PTPRQ: variants seen among roughly 807,000 people sequenced by gnomAD.
PTPRQ encodes the protein protein tyrosine phosphatase receptor type Q.
Under a neutral mutation model 246.0 loss-of-function variants are expected in PTPRQ, and 199 were observed. The observed-to-expected ratio is 0.81, with a 90% confidence interval of 0.72 to 0.91. The LOEUF (loss-of-function observed/expected upper bound fraction) is 0.91. Among genes scored for constraint, PTPRQ ranks in the 40% least tolerant of loss-of-function variants. PTPRQ has a pLI of 0.00. For missense variants in PTPRQ, 2,624 were observed against 2,528.4 expected, an observed-to-expected ratio of 1.04 and a Z score of -0.81; for synonymous variants, 869 against 853.2, an observed-to-expected ratio of 1.02 and a Z score of -0.32.
chr12:80,573,204 T>C (rs1012029539), intron 25 of PTPRQ, among the ~76,000 whole-genome samples: 2 of 152,128 alleles, frequency 1.3e-5, no homozygotes, highest in African/African-American at 4.8e-5. Context: ...AAATTTTACT[T>C]TAGGGCCGGG....
intron 16 of PTPRQ, among the ~76,000 whole-genome samples, chr12:80,507,355 T>A (rs1240806171): frequency 2.0e-5 from 3 of 152,020 alleles, no homozygotes; most frequent in Non-Finnish European, 2.9e-5. Flanking sequence ...AAGAAAATTA[T>A]TATTTTTTTC....
At chr12:80,451,094 G>T (rs1267384666) in intron 3 of PTPRQ, among the ~76,000 whole-genome samples, 2 of 152,116 alleles carry the variant, frequency 1.3e-5, no homozygotes, top group Non-Finnish European at 1.5e-5. Context: ...ACTTCTTCCT[G>T]GTTTAGTCTT....
intron 39 of PTPRQ, among the ~76,000 whole-genome samples, chr12:80,662,894 A>C (rs935652828): frequency 3.9e-5 from 6 of 152,162 alleles, no homozygotes; most frequent in Admixed American, 3.3e-4. Context: ...AAAAGTTTGC[A>C]CACACATATT....
At chr12:80,506,466 T>C in intron 15 of PTPRQ, 103 bp from the exon 16 acceptor site, 1 of 993,816 alleles carries the variant, frequency 1.0e-6, no homozygotes, top group South Asian at 1.8e-5. Flanking sequence ...ACTTAGTTTT[T>C]ATTTTTGGAA....
chr12:80,575,205 T>A (rs1456665611), intron 25 of PTPRQ, among the ~76,000 whole-genome samples: 5 of 152,230 alleles, frequency 3.3e-5, no homozygotes, highest in Admixed American at 3.3e-4. Context: ...ATAGCCTTAA[T>A]GTCACTTGGT....
intron 25 of PTPRQ, among the ~76,000 whole-genome samples, chr12:80,566,919 A>T (rs1450190743): frequency 6.6e-6 from 1 of 152,236 alleles, no homozygotes; most frequent in Middle Eastern, 3.2e-3. Flanking sequence ...GTTGTGCATG[A>T]GAGGTCTAGC....
chr12:80,461,466 A>T (rs1277934483), intron 6 of PTPRQ, among the ~76,000 whole-genome samples: 1 of 152,088 alleles, frequency 6.6e-6, no homozygotes, highest in East Asian at 1.9e-4. Context: ...ACTGAATTTT[A>T]TGAGAACATA....
chr12:80,514,772 A>G (rs1019775508), intron 17 of PTPRQ, among the ~76,000 whole-genome samples: 4 of 146,528 alleles, frequency 2.7e-5, no homozygotes, highest in East Asian at 2.0e-4. Flanking sequence ...ACATATTATT[A>G]TATATAATTG....
chr12:80,675,610 C>G (rs1901110891), intron 43 of PTPRQ, among the ~76,000 whole-genome samples: 1 of 152,094 alleles, frequency 6.6e-6, no homozygotes, highest in Admixed American at 6.5e-5. Context: ...ACAGTAAAAG[C>G]TGAAAAAACT....
In PTPRQ at chr12:80,459,383, G is replaced by C. The variant is rs1893078655; in HGVS notation, c.560G>C (p.Ser187Thr). 2.5e-6 allele frequency: 1 copy of C among 398,450 alleles called. No individual in the cohort carries two copies. 24.7% of individuals were successfully genotyped at this position (398,450 alleles called of 1,614,324 possible). Residue 187 changes from serine to threonine, a missense_variant, in exon 5 of 45, where the codon AGC (serine) becomes ACC (threonine). By Grantham distance (58) the Ser-to-Thr change is moderately conservative. Transcript: ENST00000644991. ...LPRQPNGKIT[S>T]FKISVKHARS... The stretch of plus-strand genomic sequence containing the variant: ...CGGCAACCAAATGGCAAAATTACCA[G>C]CTTCAAGATTAGTGTCAAGCATGCC...
intron 28 of PTPRQ, among the ~76,000 whole-genome samples, chr12:80,612,240 CAT>C (rs1179928187): frequency 1.3e-5 from 2 of 150,090 alleles, no homozygotes; most frequent in Admixed American, 1.3e-4. Context: ...CTTAGCTTGT[CAT>C]ATGTTAAGCT....
chr12:80,652,126 A>G (rs890752566), intron 37 of PTPRQ, among the ~76,000 whole-genome samples: 13 of 152,122 alleles, frequency 8.5e-5, no homozygotes, highest in African/African-American at 2.4e-4. Flanking sequence ...AGACTTTTTA[A>G]TGATGCTTGC....
chr12:80,554,073 G>A (rs991529232), intron 25 of PTPRQ, among the ~76,000 whole-genome samples: 2 of 150,822 alleles, frequency 1.3e-5, no homozygotes, highest in Admixed American at 6.6e-5. Context: ...AAAGGTAGGA[G>A]GGGCAGGGGG....
At chr12:80,479,332 A>AT (rs1228149988) in intron 8 of PTPRQ, among the ~76,000 whole-genome samples, 1 of 151,414 alleles carries the variant, frequency 6.6e-6, no homozygotes, top group Non-Finnish European at 1.5e-5. Flanking sequence ...ATGCTGAGAG[A>AT]TTTTGTCACC....
chr12:80,582,556 G>A (rs898859122), intron 25 of PTPRQ, among the ~76,000 whole-genome samples: 5 of 152,132 alleles, frequency 3.3e-5, no homozygotes, highest in African/African-American at 4.8e-5. Flanking sequence ...TGCTATACAA[G>A]GACACAATAA....
At chr12:80,513,339 A>G (rs1895179716) in intron 17 of PTPRQ, among the ~76,000 whole-genome samples, 1 of 152,044 alleles carries the variant, frequency 6.6e-6, no homozygotes, top group African/African-American at 2.4e-5. Flanking sequence ...CTCACCCGCC[A>G]AACTGTGCGT....
chr12:80,669,715 A>G (rs1900908584), intron 41 of PTPRQ, among the ~76,000 whole-genome samples: 1 of 152,048 alleles, frequency 6.6e-6, no homozygotes, highest in Non-Finnish European at 1.5e-5. Context: ...GGTTGACAAG[A>G]GCAGAAAAAG....
chr12:80,516,746 A>C (rs1391985368), intron 17 of PTPRQ, among the ~76,000 whole-genome samples: 1 of 152,214 alleles, frequency 6.6e-6, no homozygotes, highest in East Asian at 1.9e-4. Flanking sequence ...TACTGCATAT[A>C]ATATAGATCA....
At chr12:80,575,850 A>C (rs1364043609) in intron 25 of PTPRQ, among the ~76,000 whole-genome samples, 2 of 150,946 alleles carry the variant, frequency 1.3e-5, no homozygotes, top group Non-Finnish European at 2.9e-5. Context: ...AAAAAAAAAA[A>C]AAAAAAAGAA....
Sources: allele counts gnomAD v4.1 joint callset (sites outside exome capture counted in the v4.1 genomes callset), GRCh38; gene constraint gnomAD v4.1.1; transcripts MANE v1.5; gene names NCBI Gene and HGNC (gene_info 2026-07-23, HGNC 2026-07-21).